Variants in XYLT1 observed in about 807,000 individuals in gnomAD.
XYLT1 encodes the protein xylosyltransferase 1.
Under a neutral mutation model 91.3 loss-of-function variants are expected in XYLT1, and 36 were observed. That is an observed-to-expected ratio of 0.39 (90% confidence interval 0.30 to 0.52). The LOEUF (loss-of-function observed/expected upper bound fraction) is 0.52, where lower values mean the gene tolerates loss of function less well. XYLT1 is among the 20% of genes least tolerant of loss of function. The probability of loss-of-function intolerance (pLI) is 0.68; values close to 1 mark genes in which losing one functional copy is unlikely to be tolerated. For missense variants in XYLT1, 1,242 were observed against 1,284.5 expected (o/e 0.97, Z 0.51); for synonymous variants, 588 against 532.0 (o/e 1.11, Z -1.45).
intron 2 of XYLT1, among the ~76,000 whole-genome samples, chr16:17,268,972 C>T (rs74643788): frequency 0.11 from 16,281 of 152,038 alleles, 941 homozygotes; most frequent in Admixed American, 0.16. Context: ...TGCGCCCAGC[C>T]GATAAATACT....
Position 17,358,118 on chromosome 16 carries a change from TTTCTTTC to T in XYLT1, c.364-75_364-69del. The T allele has an allele frequency of 4.3e-6, 6 of 1,386,966 alleles. No individual in the cohort carries two copies. In the South Asian group the frequency reaches 8.2e-5, roughly 19 times the overall value. 85.9% of individuals were successfully genotyped at this position (1,386,966 alleles called of 1,614,324 possible). A position where few individuals can be genotyped will look rare whatever the true frequency, so the allele number is the denominator to read the frequency against. Reference sequence around the variant, plus strand: ...AGTTAACTTACTACCCCAGCATCTTTTTCTTTCTTTCCTTTTTTTTTTTTTTTAAGAG... The same window carrying T: ...AGTTAACTTACTACCCCAGCATCTTTTTTCCTTTTTTTTTTTTTTTAAGAG... On this transcript the variant is annotated intron_variant, in intron 1 of 11. Transcript: ENST00000261381.
At chr16:17,357,193 A>AAC (rs2035312103) in intron 2 of XYLT1, among the ~76,000 whole-genome samples, 2 of 147,206 alleles carry the variant, frequency 1.4e-5, no homozygotes, top group Non-Finnish European at 3.0e-5. Flanking sequence ...AAAAAAAAAA[A>AAC]AAAAAACGCT....
intron 1 of XYLT1, among the ~76,000 whole-genome samples, chr16:17,421,144 G>A (rs770397875): frequency 5.3e-5 from 8 of 152,152 alleles, no homozygotes; most frequent in Non-Finnish European, 1.2e-4. Flanking sequence ...AGAAGCCATG[G>A]AAAATCAAGA....
chr16:17,424,685 C>T (rs9944336), intron 1 of XYLT1, among the ~76,000 whole-genome samples: 47,291 of 151,670 alleles, frequency 0.31, 9,874 homozygotes, highest in African/African-American at 0.59. Context: ...CTGGTCAACA[C>T]GGTGAAACCC....
chr16:17,184,535 TTTTAA>T (rs10569709), intron 5 of XYLT1, among the ~76,000 whole-genome samples: 89,310 of 151,434 alleles, frequency 0.59, 28,421 homozygotes, highest in African/African-American at 0.83. Context: ...GAGCGCACAG[TTTTAA>T]TTTAACTTTA....
intron 1 of XYLT1, among the ~76,000 whole-genome samples, chr16:17,449,209 G>C (rs1188612092): frequency 6.6e-6 from 1 of 152,240 alleles, no homozygotes; most frequent in Admixed American, 6.5e-5. Flanking sequence ...TGCTGCCCCA[G>C]GCCAGCTGAG....
At chr16:17,155,444 C>T (rs2031382892) in intron 6 of XYLT1, among the ~76,000 whole-genome samples, 1 of 152,132 alleles carries the variant, frequency 6.6e-6, no homozygotes, top group Non-Finnish European at 1.5e-5. Context: ...TGTTCTTTAC[C>T]CTTAAGCTAG....
rs2035332336 is a variant in XYLT1, at chr16:17,358,287, T to A, written c.364-237A>T. 2.0e-5 allele frequency among the ~76,000 whole-genome samples: 3 copies of A among 151,992 alleles called. No individual in the cohort carries two copies. The South Asian group carries it at 6.2e-4, about 32-fold the overall frequency. On this transcript the variant is annotated intron_variant, in intron 1 of 11. Coordinates refer to ENST00000261381, the MANE Select transcript of XYLT1 (RefSeq NM_022166.4). Reference sequence around the variant, plus strand: ...TAGCTATGACTACAGGCATGCACTATCATGCCAGGCTTTTTTAAAAAATTA... The same window carrying A: ...TAGCTATGACTACAGGCATGCACTAACATGCCAGGCTTTTTTAAAAAATTA...
At chr16:17,197,447 G>A (rs2032451953) in intron 5 of XYLT1, among the ~76,000 whole-genome samples, 1 of 152,168 alleles carries the variant, frequency 6.6e-6, no homozygotes, top group Non-Finnish European at 1.5e-5. Flanking sequence ...TTGAATGGAA[G>A]CTTGTGATGG....
intron 1 of XYLT1, among the ~76,000 whole-genome samples, chr16:17,404,557 C>T (rs189302202): frequency 2.3e-3 from 356 of 152,272 alleles, no homozygotes; most frequent in Admixed American, 6.7e-3. Context: ...GCATAGGAAG[C>T]AAAGCCATGT....
intron 3 of XYLT1, among the ~76,000 whole-genome samples, chr16:17,209,705 C>T (rs2141597853): frequency 6.6e-6 from 1 of 152,294 alleles, no homozygotes; most frequent in Non-Finnish European, 1.5e-5. Flanking sequence ...GAGAACTCAC[C>T]TCTAAGTGAT....
At chr16:17,132,468 T>TTGGCTGCATCATAATGGCAACTGGCAA (rs2030519622) in intron 9 of XYLT1, among the ~76,000 whole-genome samples, 2 of 152,024 alleles carry the variant, frequency 1.3e-5, no homozygotes, top group South Asian at 2.1e-4. Context: ...AGGTTCACTG[T>TTGGCTGCATCATAATGGCAACTGGCAA]TGGCTGCATC....
intron 1 of XYLT1, among the ~76,000 whole-genome samples, chr16:17,382,323 A>G (rs1406807861): frequency 1.3e-5 from 2 of 151,840 alleles, no homozygotes; most frequent in Non-Finnish European, 2.9e-5. Context: ...TGTCCAAGGC[A>G]CTGCTGCCCC....
At chr16:17,449,403 C>A (rs1322470343) in intron 1 of XYLT1, among the ~76,000 whole-genome samples, 2 of 152,368 alleles carry the variant, frequency 1.3e-5, no homozygotes, top group Admixed American at 1.3e-4. Flanking sequence ...GTGGACACTT[C>A]CCCTATGGGC....
intron 2 of XYLT1, among the ~76,000 whole-genome samples, chr16:17,260,396 C>G (rs1335145579): frequency 2.0e-5 from 3 of 152,186 alleles, no homozygotes; most frequent in African/African-American, 7.2e-5. Flanking sequence ...AATCTGAAAG[C>G]ATATCCAATG....
intron 1 of XYLT1, among the ~76,000 whole-genome samples, chr16:17,438,744 T>G (rs1596546178): frequency 6.6e-6 from 1 of 150,516 alleles, no homozygotes. Flanking sequence ...AGAGAGAGAG[T>G]GAAGGGGGAG....
At chr16:17,357,072 G>A (rs1432870983) in intron 2 of XYLT1, among the ~76,000 whole-genome samples, 1 of 150,464 alleles carries the variant, frequency 6.6e-6, no homozygotes, top group Non-Finnish European at 1.5e-5. Context: ...AGCTGCTGGG[G>A]AGGCTGAGAC....
chr16:17,393,851 C>T lies in XYLT1; in HGVS notation c.364-35801G>A, dbSNP rs535717199. On this transcript the variant is annotated intron_variant, in intron 1 of 11. Coordinates refer to ENST00000261381, the MANE Select transcript of XYLT1 (RefSeq NM_022166.4). ...AGTGCAGTGGCGCCATCTTGGCTCACTGCAAGCTCCGCCTCCTGGGTTCAC... is the reference window on the plus strand; with the variant it reads ...AGTGCAGTGGCGCCATCTTGGCTCATTGCAAGCTCCGCCTCCTGGGTTCAC... Among the ~76,000 whole-genome samples the T allele has an allele frequency of 1.2e-3, 184 of 152,194 alleles. 3 individuals are homozygous for T. The South Asian group carries it at 0.013, about 11-fold the overall frequency.
chr16:17,365,250 C>T (rs185626184), intron 1 of XYLT1, among the ~76,000 whole-genome samples: 3 of 152,270 alleles, frequency 2.0e-5, no homozygotes, highest in African/African-American at 7.2e-5. Context: ...TTTTTCAACT[C>T]CTCCTTCTTA....
Sources: gnomAD v4.1 joint callset for allele counts (sites outside exome capture counted in the v4.1 genomes callset) on GRCh38, gnomAD v4.1.1 for gene constraint, MANE v1.5 for transcripts, NCBI Gene and HGNC (gene_info 2026-07-23, HGNC 2026-07-21) for gene names.